The following BCL11B variants were observed in gnomAD, a reference collection of about 807,000 sequenced individuals.
The protein encoded by BCL11B is BCL11 transcription factor B, also known as B-cell lymphoma/leukemia 11B.
BCL11B carries 8 observed loss-of-function variants against 49.9 expected under a neutral mutation model. The observed-to-expected ratio is 0.16, with a 90% confidence interval of 0.09 to 0.29. BCL11B has a LOEUF of 0.29. Ranked by LOEUF, BCL11B falls within the 10% of genes least tolerant of loss-of-function variation. BCL11B has a pLI of 1.00. For missense variants in BCL11B, 1,006 were observed against 1,351.0 expected, an observed-to-expected ratio of 0.74 and a Z score of 4.00; for synonymous variants, 739 against 637.4, an observed-to-expected ratio of 1.16 and a Z score of -2.40.
chr14:99,271,391 C>T lies in BCL11B; in HGVS notation c.-173G>A. On this transcript the variant is annotated 5_prime_UTR_variant, in exon 1 of 4. Coordinates refer to ENST00000357195, the MANE Select transcript of BCL11B (RefSeq NM_138576.4). The stretch of plus-strand genomic sequence containing the variant: ...TTTTTCCCTTCCTCTCTTTCCCTCT[C>T]TTCCTCCTCTTCTTCTTCTTTATTT... 1 of 300,714 alleles carries T rather than the reference C, an allele frequency of 3.3e-6. No homozygotes were observed. Among genetic ancestry groups the T allele is most frequent in the Admixed American group, 5.1e-5 (1 of 19,718 alleles). 18.6% of individuals were successfully genotyped at this position (300,714 alleles called of 1,614,324 possible). A position where few individuals can be genotyped will look rare whatever the true frequency, so the allele number is the denominator to read the frequency against.
chr14:99,237,576 C>CTGA (rs1888539794), intron 2 of BCL11B, among the ~76,000 whole-genome samples: 1 of 152,166 alleles, frequency 6.6e-6, no homozygotes, highest in Admixed American at 6.5e-5. Context: ...ACTGTTTTGT[C>CTGA]TGGGCACCCG....
chr14:99,200,529 A>G (rs1887348062), intron 3 of BCL11B, among the ~76,000 whole-genome samples: 1 of 152,224 alleles, frequency 6.6e-6, no homozygotes, highest in Non-Finnish European at 1.5e-5. Flanking sequence ...GGGCCTGGGC[A>G]TCTGTCCCTC....
At chr14:99,208,710 T>C (rs1390049817) in intron 3 of BCL11B, among the ~76,000 whole-genome samples, 2 of 152,272 alleles carry the variant, frequency 1.3e-5, no homozygotes, top group East Asian at 3.9e-4. Context: ...ACTGGGCCCG[T>C]TGTTTGAGGC....
In BCL11B at chr14:99,267,549, C is replaced by CCG. The variant is rs1430040546; in HGVS notation, c.58+3611_58+3612insCG. ...GCAGAAGGGAGAGGAACTTCACCCC[C>CCG]CCCCCACCAACTAACCAAAAAAAAA... On this transcript the variant is annotated intron_variant, in intron 1 of 3. Transcript: ENST00000357195. Among the ~76,000 whole-genome samples, 3 of 149,768 alleles carry CCG rather than the reference C, an allele frequency of 2.0e-5. 1 individual carries two copies. The highest frequency in any genetic ancestry group is 2.0e-4 in the Admixed American group (3 of 15,126).
chr14:99,173,059 TAG>T lies in BCL11B; in HGVS notation c.*1090_*1091del. On this transcript the variant is annotated 3_prime_UTR_variant, in exon 4 of 4. Transcript: ENST00000357195. ...TGATGGATGACCCCTTGTAGCAACA[TAG>T]GATTTGAGATTTATGTGGTGGGGGT... 4.7e-6 allele frequency: 1 copy of T among 212,812 alleles called. No homozygotes were observed. Among genetic ancestry groups the T allele is most frequent in the Non-Finnish European group, 9.5e-6 (1 of 105,772 alleles). The allele number at this position is 212,812 out of a possible 1,614,324, so 13.2% of individuals were successfully genotyped here.
chr14:99,206,600 G>A (rs117754036), intron 3 of BCL11B, among the ~76,000 whole-genome samples: 1 of 152,304 alleles, frequency 6.6e-6, no homozygotes, highest in East Asian at 1.9e-4. Flanking sequence ...CGGAGCAACT[G>A]TGGTAGTATC....
In BCL11B at chr14:99,247,450, C is replaced by G. The variant is rs555543946; in HGVS notation, c.427+10021G>C. Among the ~76,000 whole-genome samples, 1 of 152,132 alleles carries G rather than the reference C, an allele frequency of 6.6e-6. No homozygotes were observed. The highest frequency in any genetic ancestry group is 1.5e-5 in the Non-Finnish European group (1 of 68,026). On this transcript the variant is annotated intron_variant, in intron 2 of 3. Transcript: ENST00000357195. The surrounding 1 kb of genome is among the most constrained non-coding windows in gnomAD (Gnocchi z 4.5). ...ACTGAAGGTTTGTCCCATTTTCTCC[C>G]GAACAGAGAAGAATTCAGACAGTTG...
chr14:99,230,159 G>A (rs1214430920), intron 3 of BCL11B, among the ~76,000 whole-genome samples: 1 of 152,218 alleles, frequency 6.6e-6, no homozygotes, highest in Non-Finnish European at 1.5e-5. Flanking sequence ...AGCCCAGGAA[G>A]CTCTGGACCC....
rs1889194698 is a variant in BCL11B, at chr14:99,257,340, A to C, written c.427+131T>G. ...GGATGGTGGACCCTCAGAAAGGGGG[A>C]GCCCCGGCTGGTGGCCCAGAGGCCA... On this transcript the variant is annotated intron_variant, in intron 2 of 3. Transcript: ENST00000357195. The surrounding 1 kb of genome is among the most constrained non-coding windows in gnomAD (Gnocchi z 6.2). The C allele has an allele frequency of 8.1e-7, 1 of 1,238,876 alleles. No individual in the cohort carries two copies. The highest frequency in any genetic ancestry group is 1.1e-6 in the Non-Finnish European group (1 of 925,100). The allele number at this position is 1,238,876 out of a possible 1,614,324, so 76.7% of individuals were successfully genotyped here.
chr14:99,187,755 C>T (rs1261855597), intron 3 of BCL11B, among the ~76,000 whole-genome samples: 1 of 120,564 alleles, frequency 8.3e-6, no homozygotes, highest in Non-Finnish European at 1.8e-5. Flanking sequence ...TCTCAGTCTC[C>T]CCAGAAGCAC....
intron 1 of BCL11B, among the ~76,000 whole-genome samples, chr14:99,263,599 T>C (rs1286232325): frequency 5.3e-5 from 8 of 152,206 alleles, no homozygotes; most frequent in African/African-American, 1.7e-4. Context: ...TGTGTACAGA[T>C]TGTTTGCAGG....
intron 3 of BCL11B, among the ~76,000 whole-genome samples, chr14:99,187,935 G>A (rs1180485423): frequency 6.6e-6 from 1 of 152,132 alleles, no homozygotes; most frequent in Non-Finnish European, 1.5e-5. Context: ...CATTTTAATG[G>A]AGTGTACGTT....
chr14:99,250,656 A>T (rs1010352492), intron 2 of BCL11B, among the ~76,000 whole-genome samples: 1 of 152,204 alleles, frequency 6.6e-6, no homozygotes, highest in African/African-American at 2.4e-5. Context: ...GATTAAAAAA[A>T]CTTTAGTCAA....
intron 3 of BCL11B, among the ~76,000 whole-genome samples, chr14:99,223,904 C>T (rs61985732): frequency 6.6e-6 from 1 of 152,214 alleles, no homozygotes; most frequent in African/African-American, 2.4e-5. Context: ...AGCACCCGAG[C>T]AGCAGCCAAT....
Position 99,179,406 on chromosome 14 carries a change from G to A in BCL11B, c.641-3211C>T, listed in dbSNP as rs564363146. ...GGAGAATCGCTTGAACCCGGGAGAC[G>A]GAAGTGGCAGTGAGCTGAGATCGAA... On this transcript the variant is annotated intron_variant, in intron 3 of 3. Coordinates refer to ENST00000357195, the MANE Select transcript of BCL11B (RefSeq NM_138576.4). Among the ~76,000 whole-genome samples the A allele has an allele frequency of 3.8e-3, 562 of 148,696 alleles. 2 individuals are homozygous for A. Among genetic ancestry groups the A allele is most frequent in the Non-Finnish European group, 5.7e-3 (385 of 67,584 alleles).
intron 2 of BCL11B, among the ~76,000 whole-genome samples, chr14:99,256,647 C>T (rs892023244): frequency 1.3e-5 from 2 of 152,198 alleles, no homozygotes; most frequent in Admixed American, 1.3e-4. Context: ...TCCAGCATGC[C>T]ATGGTGCTGG....
At chr14:99,206,430 C>T (rs1453183669) in intron 3 of BCL11B, among the ~76,000 whole-genome samples, 1 of 152,148 alleles carries the variant, frequency 6.6e-6, no homozygotes, top group Non-Finnish European at 1.5e-5. Flanking sequence ...CAGAAATAAA[C>T]AATTCATCAG....
In BCL11B at chr14:99,189,622, G is replaced by A. The variant is rs145587646; in HGVS notation, c.641-13427C>T. Among the ~76,000 whole-genome samples, 1,231 of 152,272 alleles carry A rather than the reference G, an allele frequency of 8.1e-3. 22 individuals are homozygous for A. Among genetic ancestry groups the A allele is most frequent in the African/African-American group, 0.028 (1,171 of 41,550 alleles). ...GTCAGCAGCTGGATCCAATCACAAC[G>A]CTGGCTCCAGCCTGCGGCCCCAGCA... On this transcript the variant is annotated intron_variant, in intron 3 of 3. Coordinates refer to ENST00000357195, the MANE Select transcript of BCL11B (RefSeq NM_138576.4).
chr14:99,266,817 T>C (rs1249362278), intron 1 of BCL11B, among the ~76,000 whole-genome samples: 1 of 152,146 alleles, frequency 6.6e-6, no homozygotes, highest in African/African-American at 2.4e-5. Context: ...AAAGTTTATT[T>C]TGGAAAGTAT....
Sources: allele counts gnomAD v4.1 joint callset (sites outside exome capture counted in the v4.1 genomes callset), GRCh38; gene constraint gnomAD v4.1.1; non-coding constraint Gnocchi (gnomAD v3.1); transcripts MANE v1.5; gene names NCBI Gene and HGNC (gene_info 2026-07-23, HGNC 2026-07-21).